IL1RAPL2: variants seen among roughly 807,000 people sequenced by gnomAD.
The protein encoded by IL1RAPL2 is X-linked interleukin-1 receptor accessory protein-like 2.
Under a neutral mutation model 44.1 loss-of-function variants are expected in IL1RAPL2, and 3 were observed. That is an observed-to-expected ratio of 0.07 (90% confidence interval 0.03 to 0.18). The LOEUF is 0.18. IL1RAPL2 is among the 10% of genes least tolerant of loss of function. The probability of loss-of-function intolerance (pLI) is 1.00; values close to 1 mark genes in which losing one functional copy is unlikely to be tolerated. For missense variants in IL1RAPL2, 391 were observed against 496.4 expected (o/e 0.79, Z 2.02); for synonymous variants, 181 against 178.8 (o/e 1.01, Z -0.10).
At position 105,082,438 on chromosome X, in the gene IL1RAPL2, G is replaced by A. The variant is rs141048720; in HGVS notation, c.83-113037G>A. On this transcript the variant is annotated intron_variant, in intron 2 of 10. Coordinates refer to ENST00000372582, the MANE Select transcript of IL1RAPL2 (RefSeq NM_017416.2). ...AAAAACCAGGTCCTGGGTTCACAGC[G>A]TTCAAACTTTACTAAGGATCAGACT... Among the ~76,000 whole-genome samples, 203 of 111,135 alleles carry A rather than the reference G, an allele frequency of 1.8e-3. 2 individuals are homozygous for A. In the East Asian group the frequency reaches 0.05, roughly 27 times the overall value.
chrX:105,114,373 T>C (rs762717706), intron 2 of IL1RAPL2, among the ~76,000 whole-genome samples: 1 of 112,484 alleles, frequency 8.9e-6, no homozygotes, highest in East Asian at 2.8e-4. Context: ...TATAGCAGCC[T>C]GAACAGATTA....
chrX:104,893,155 C>T (rs759817918), intron 2 of IL1RAPL2, among the ~76,000 whole-genome samples: 1 of 111,902 alleles, frequency 8.9e-6, no homozygotes, highest in African/African-American at 3.2e-5. Context: ...GTCTGAGAGA[C>T]AGTTTGTTAT....
intron 1 of IL1RAPL2, among the ~76,000 whole-genome samples, chrX:104,657,283 C>G (rs1283557041): frequency 9.0e-6 from 1 of 111,322 alleles, no homozygotes; most frequent in East Asian, 2.8e-4. Flanking sequence ...AGATATAGAT[C>G]AATGGAACAG....
At chrX:105,347,790 C>A (rs928027718) in intron 5 of IL1RAPL2, among the ~76,000 whole-genome samples, 3 of 111,241 alleles carry the variant, frequency 2.7e-5, no homozygotes, top group Non-Finnish European at 5.7e-5. Context: ...CATTTAACAG[C>A]ATCCCTACCT....
intron 5 of IL1RAPL2, among the ~76,000 whole-genome samples, chrX:105,454,438 C>T (rs923988785): frequency 1.4e-4 from 16 of 111,215 alleles, no homozygotes; most frequent in African/African-American, 3.3e-5. Context: ...ACACAAAAGG[C>T]TATAATGTCA....
chrX:104,835,555 A>G (rs745728999), intron 2 of IL1RAPL2, among the ~76,000 whole-genome samples: 11 of 111,485 alleles, frequency 9.9e-5, no homozygotes, highest in Non-Finnish European at 2.1e-4. Context: ...TTTTTTGACT[A>G]TGTGTTACAT....
chrX:104,723,342 G>A lies in IL1RAPL2; in HGVS notation c.82+64347G>A, dbSNP rs191630969. Among the ~76,000 whole-genome samples, 95 of 111,150 alleles carry A rather than the reference G, an allele frequency of 8.5e-4. 1 individual carries two copies. The Admixed American group carries it at 8.7e-3, about 10-fold the overall frequency. Reference sequence around the variant, plus strand: ...AATATGGTCAGTTTTCAGAAATATTGCAGATACATGTAACGTCCTGTTACT... The same window carrying A: ...AATATGGTCAGTTTTCAGAAATATTACAGATACATGTAACGTCCTGTTACT... On this transcript the variant is annotated intron_variant, in intron 2 of 10. Coordinates refer to ENST00000372582, the MANE Select transcript of IL1RAPL2 (RefSeq NM_017416.2).
At chrX:105,069,154 A>T (rs1431078436) in intron 2 of IL1RAPL2, among the ~76,000 whole-genome samples, 1 of 112,665 alleles carries the variant, frequency 8.9e-6, no homozygotes, top group Non-Finnish European at 1.9e-5. Flanking sequence ...CAGCCATACC[A>T]TCTGGAAACA....
chrX:104,572,388 A>C (rs1051750265), intron 1 of IL1RAPL2, among the ~76,000 whole-genome samples: 3 of 111,813 alleles, frequency 2.7e-5, no homozygotes, highest in Non-Finnish European at 5.6e-5. Flanking sequence ...GCCAGACTGG[A>C]TCACTCACCA....
intron 6 of IL1RAPL2, among the ~76,000 whole-genome samples, chrX:105,674,283 A>G (rs1022768662): frequency 1.6e-4 from 18 of 110,247 alleles, no homozygotes; most frequent in Non-Finnish European, 2.9e-4. Context: ...ATTTTCTTCT[A>G]GGGTTTTTAT....
At chrX:105,031,050 T>A (rs1247336713) in intron 2 of IL1RAPL2, among the ~76,000 whole-genome samples, 9 of 110,065 alleles carry the variant, frequency 8.2e-5, no homozygotes, top group Admixed American at 2.9e-4. Context: ...TGTTTGTCTG[T>A]TATTGGTGTA....
chrX:104,995,130 ATTC>A (rs2030725943), intron 2 of IL1RAPL2, among the ~76,000 whole-genome samples: 1 of 111,412 alleles, frequency 9.0e-6, no homozygotes, highest in Non-Finnish European at 1.9e-5. Context: ...ACCATGCTTT[ATTC>A]TTCTTCATAG....
At chrX:104,875,309 G>GT (rs1439406566) in intron 2 of IL1RAPL2, among the ~76,000 whole-genome samples, 1 of 111,626 alleles carries the variant, frequency 9.0e-6, no homozygotes, top group African/African-American at 3.3e-5. Context: ...GGTTTATTGA[G>GT]TATCTATTCT....
chrX:105,285,760 C>A (rs1199833777), intron 5 of IL1RAPL2, among the ~76,000 whole-genome samples: 1 of 112,017 alleles, frequency 8.9e-6, no homozygotes, highest in East Asian at 2.8e-4. Context: ...ATCAATGTTC[C>A]ATTTTAATTG....
At chrX:105,002,601 A>C (rs1270141057) in intron 2 of IL1RAPL2, among the ~76,000 whole-genome samples, 1 of 110,898 alleles carries the variant, frequency 9.0e-6, no homozygotes, top group Admixed American at 9.6e-5. Flanking sequence ...CTTTATTTTC[A>C]TAATGGTGGC....
intron 5 of IL1RAPL2, chrX:105,405,797 G>T (rs992029018): frequency 1.0e-5 from 12 of 1,157,402 alleles, no homozygotes; most frequent in African/African-American, 5.3e-5. Flanking sequence ...CTGTAAGCCA[G>T]GTGGTTGCTG....
intron 2 of IL1RAPL2, among the ~76,000 whole-genome samples, chrX:104,761,765 C>G (rs866068194): frequency 1.8e-5 from 2 of 110,127 alleles, no homozygotes; most frequent in South Asian, 7.9e-4. Context: ...GGCTATAGGC[C>G]CCATGCAAGT....
intron 6 of IL1RAPL2, among the ~76,000 whole-genome samples, chrX:105,519,600 T>G (rs1225446853): frequency 9.0e-6 from 1 of 111,113 alleles, no homozygotes; most frequent in Non-Finnish European, 1.9e-5. Context: ...TGATGGGTCT[T>G]TTGGGAATCT....
intron 1 of IL1RAPL2, among the ~76,000 whole-genome samples, chrX:104,580,344 A>G (rs1462739525): frequency 8.0e-5 from 9 of 112,840 alleles, no homozygotes; most frequent in African/African-American, 2.6e-4. Flanking sequence ...TATAGACATT[A>G]CAAGTAAAAT....
Sources: gnomAD v4.1 joint callset for allele counts (sites outside exome capture counted in the v4.1 genomes callset) on GRCh38, gnomAD v4.1.1 for gene constraint, MANE v1.5 for transcripts, NCBI Gene and HGNC (gene_info 2026-07-23, HGNC 2026-07-21) for gene names.